The following ITPR2 variants were observed in gnomAD, a reference collection of about 807,000 sequenced individuals.
The protein encoded by ITPR2 is inositol 1,4,5-trisphosphate receptor type 2, also known as inositol 1,4,5-trisphosphate-gated calcium channel ITPR2.
A neutral mutation model predicts 317.1 loss-of-function variants in ITPR2; 207 were observed. The ratio of observed to expected loss-of-function variants is 0.65; its 90% CI spans 0.58 to 0.73. ITPR2 has a LOEUF of 0.73. Among genes scored for constraint, ITPR2 ranks in the 30% least tolerant of loss-of-function variants. The pLI is 0.00. For missense variants in ITPR2, 2,613 were observed against 3,284.0 expected, an observed-to-expected ratio of 0.80 and a Z score of 4.99; for synonymous variants, 1,156 against 1,149.1, an observed-to-expected ratio of 1.01 and a Z score of -0.12.
At chr12:26,377,373 A>C (rs1240993933) in intron 55 of ITPR2, among the ~76,000 whole-genome samples, 1 of 152,252 alleles carries the variant, frequency 6.6e-6, no homozygotes, top group Non-Finnish European at 1.5e-5. Context: ...CCTCGAACAC[A>C]ATAACACTCA....
chr12:26,571,866 T>C (rs975360342), intron 34 of ITPR2, among the ~76,000 whole-genome samples: 15 of 152,240 alleles, frequency 9.9e-5, no homozygotes, highest in African/African-American at 3.4e-4. Context: ...ACCTTTTGTA[T>C]TCCATGTACA....
At chr12:26,584,147 G>A in intron 32 of ITPR2, among the ~76,000 whole-genome samples, 1 of 152,182 alleles carries the variant, frequency 6.6e-6, no homozygotes, top group Admixed American at 6.5e-5. Context: ...ACAGACTAGA[G>A]AAAAATAAAG....
In ITPR2 at chr12:26,611,792, A is replaced by T. The variant is rs574265440; in HGVS notation, c.3463-9086T>A. On this transcript the variant is annotated intron_variant, in intron 26 of 56. Transcript: ENST00000381340. The stretch of plus-strand genomic sequence containing the variant: ...GAACGTAAAGGGTAATCCTGACTTA[A>T]CCTACTCGGATACGGTTTCCTGAGT... Among the ~76,000 whole-genome samples, 48 of 152,306 alleles carry T rather than the reference A, an allele frequency of 3.2e-4. 1 individual carries two copies. Among genetic ancestry groups the T allele is most frequent in the East Asian group, 1.3e-3 (7 of 5,190 alleles).
intron 34 of ITPR2, among the ~76,000 whole-genome samples, chr12:26,565,501 GAT>G (rs1944930437): frequency 3.3e-5 from 4 of 119,514 alleles, no homozygotes; most frequent in African/African-American, 5.4e-5. Flanking sequence ...TAGATAGATA[GAT>G]AGATAGATAG....
intron 2 of ITPR2, among the ~76,000 whole-genome samples, chr12:26,784,556 C>T (rs1950174935): frequency 6.6e-6 from 1 of 151,684 alleles, no homozygotes; most frequent in Admixed American, 6.6e-5. Context: ...GTTGGCCGGG[C>T]TGGTCTCCAG....
chr12:26,376,319 A>G (rs554887795), intron 55 of ITPR2, among the ~76,000 whole-genome samples: 2 of 152,258 alleles, frequency 1.3e-5, no homozygotes, highest in South Asian at 4.2e-4. Context: ...TGAGATGATC[A>G]CATCTCCTCA....
chr12:26,737,502 C>T (rs1949146872), intron 2 of ITPR2, among the ~76,000 whole-genome samples: 1 of 152,128 alleles, frequency 6.6e-6, no homozygotes, highest in East Asian at 1.9e-4. Flanking sequence ...ATCTGCCCAC[C>T]TCGGCCTCCT....
chr12:26,578,670 T>C (rs1055377492), intron 34 of ITPR2, 43 bp downstream of exon 34: 1 of 1,544,270 alleles, frequency 6.5e-7, no homozygotes, highest in Non-Finnish European at 8.8e-7. Flanking sequence ...ACCTAATTTC[T>C]TCAAGAAATG....
chr12:26,790,891 T>G (rs1950330017), intron 1 of ITPR2, among the ~76,000 whole-genome samples: 1 of 152,212 alleles, frequency 6.6e-6, no homozygotes, highest in South Asian at 2.1e-4. Context: ...TAAAAATATC[T>G]ACCTCACAGT....
At chr12:26,456,273 G>T (rs1422473869) in intron 45 of ITPR2, among the ~76,000 whole-genome samples, 4 of 152,162 alleles carry the variant, frequency 2.6e-5, no homozygotes, top group Admixed American at 2.6e-4. Context: ...GTGACCTCTG[G>T]TTGTCCTTAC....
intron 2 of ITPR2, among the ~76,000 whole-genome samples, chr12:26,764,227 G>A (rs1949682307): frequency 6.6e-6 from 1 of 152,014 alleles, no homozygotes; most frequent in Non-Finnish European, 1.5e-5. Flanking sequence ...ACCTAAATGT[G>A]AAGTGCAAAA....
chr12:26,559,907 C>G (rs1944766602), intron 35 of ITPR2, among the ~76,000 whole-genome samples: 1 of 152,140 alleles, frequency 6.6e-6, no homozygotes, highest in Admixed American at 6.6e-5. Context: ...GGCCACCCTC[C>G]CAGTAATTCT....
intron 37 of ITPR2, among the ~76,000 whole-genome samples, chr12:26,520,953 C>T (rs1943646087): frequency 6.6e-6 from 1 of 152,144 alleles, no homozygotes. Flanking sequence ...ATATAACATG[C>T]TCCTTTTTAG....
chr12:26,755,147 TA>T (rs1158049819), intron 2 of ITPR2, among the ~76,000 whole-genome samples: 1 of 152,232 alleles, frequency 6.6e-6, no homozygotes, highest in Non-Finnish European at 1.5e-5. Flanking sequence ...AATTGTTACA[TA>T]AAATCATTGT....
At chr12:26,810,105 T>G (rs565443842) in intron 1 of ITPR2, among the ~76,000 whole-genome samples, 6 of 152,344 alleles carry the variant, frequency 3.9e-5, no homozygotes, top group African/African-American at 1.4e-4. Context: ...AAAATAACTT[T>G]CGCAATCTCA....
chr12:26,467,662 T>C (rs2136801460), intron 45 of ITPR2, among the ~76,000 whole-genome samples: 1 of 152,238 alleles, frequency 6.6e-6, no homozygotes, highest in Admixed American at 6.5e-5. Context: ...CAGAAATAAA[T>C]ACGTAACTAA....
At chr12:26,702,141 A>C (rs913766523) in intron 9 of ITPR2, among the ~76,000 whole-genome samples, 3 of 152,152 alleles carry the variant, frequency 2.0e-5, no homozygotes, top group Non-Finnish European at 4.4e-5. Context: ...TAATAATACA[A>C]GTAAAATATC....
At chr12:26,578,603 T>C in intron 34 of ITPR2, 110 bp downstream of exon 34, 1 of 945,832 alleles carries the variant, frequency 1.1e-6, no homozygotes, top group Non-Finnish European at 1.6e-6. Context: ...ACAGAAAACA[T>C]ACTGGTTTTC....
chr12:26,390,077 A>G (rs1299953589), intron 54 of ITPR2, among the ~76,000 whole-genome samples: 4 of 152,228 alleles, frequency 2.6e-5, no homozygotes, highest in Admixed American at 6.5e-5. Context: ...TTGTTCCACT[A>G]GAATGCCTAT....
Sources: allele counts gnomAD v4.1 joint callset (sites outside exome capture counted in the v4.1 genomes callset), GRCh38; gene constraint gnomAD v4.1.1; transcripts MANE v1.5; gene names NCBI Gene and HGNC (gene_info 2026-07-23, HGNC 2026-07-21).